The following RNF185 variants were observed in gnomAD, a reference collection of about 807,000 sequenced individuals.
RNF185 encodes the protein E3 ubiquitin-protein ligase RNF185.
RNF185 carries 13 observed loss-of-function variants against 24.9 expected under a neutral mutation model. The ratio of observed to expected loss-of-function variants is 0.52; its 90% CI spans 0.34 to 0.83. The LOEUF (loss-of-function observed/expected upper bound fraction) is 0.83, where lower values mean the gene tolerates loss of function less well. Ranked by LOEUF, RNF185 falls within the 40% of genes least tolerant of loss-of-function variation. The probability of loss-of-function intolerance (pLI) is 0.01; values close to 1 mark genes in which losing one functional copy is unlikely to be tolerated. For missense variants in RNF185, 184 were observed against 244.7 expected (o/e 0.75, Z 1.65); for synonymous variants, 79 against 90.3 (o/e 0.88, Z 0.71).
At chr22:31,184,469 C>T (rs1156407624) in intron 1 of RNF185, among the ~76,000 whole-genome samples, 26 of 149,390 alleles carry the variant, frequency 1.7e-4, no homozygotes, top group Admixed American at 1.0e-3. Context: ...ACATCCCAGA[C>T]GATGGGCGGC....
At chr22:31,164,504 C>T (rs937126980) in intron 1 of RNF185, among the ~76,000 whole-genome samples, 1 of 151,978 alleles carries the variant, frequency 6.6e-6, no homozygotes, top group Non-Finnish European at 1.5e-5. Context: ...TGTTCCAGGA[C>T]CCAATCCTGG....
chr22:31,182,296 T>C (rs2048046433), intron 1 of RNF185, among the ~76,000 whole-genome samples: 1 of 151,794 alleles, frequency 6.6e-6, no homozygotes, highest in Admixed American at 6.6e-5. Context: ...TTTTTATTTA[T>C]TTATTTTTTT....
intron 1 of RNF185, among the ~76,000 whole-genome samples, chr22:31,179,519 C>T (rs1419013359): frequency 6.6e-6 from 1 of 152,208 alleles, no homozygotes; most frequent in African/African-American, 2.4e-5. Context: ...GTCAGTCATG[C>T]GTGCCCATCC....
At chr22:31,190,239 T>C (rs910903170) in intron 2 of RNF185, among the ~76,000 whole-genome samples, 6 of 152,218 alleles carry the variant, frequency 3.9e-5, no homozygotes, top group South Asian at 4.1e-4. Context: ...TAAAATGTTA[T>C]AGAGCAGTGC....
chr22:31,182,736 C>T (rs979377675), intron 1 of RNF185, among the ~76,000 whole-genome samples: 2 of 148,404 alleles, frequency 1.3e-5, no homozygotes, highest in Non-Finnish European at 2.9e-5. Context: ...TGGAATATCT[C>T]GTATCTCAAT....
intron 1 of RNF185, among the ~76,000 whole-genome samples, chr22:31,167,120 T>C (rs1395159076): frequency 6.6e-6 from 1 of 151,028 alleles, no homozygotes; most frequent in Non-Finnish European, 1.5e-5. Flanking sequence ...TTTCTTAAAA[T>C]TTTTTTTATT....
At chr22:31,169,015 ATCTTGCCTCAGCC>A (rs1924117422) in intron 1 of RNF185, among the ~76,000 whole-genome samples, 1 of 151,794 alleles carries the variant, frequency 6.6e-6, no homozygotes, top group Non-Finnish European at 1.5e-5. Flanking sequence ...TCAAGCAATT[ATCTTGCCTCAGCC>A]TCGCACGTAG....
intron 5 of RNF185, 129 bp downstream of exon 5, chr22:31,197,119 A>G (rs1568972423): frequency 4.3e-6 from 6 of 1,387,802 alleles, no homozygotes; most frequent in South Asian, 2.6e-5. Context: ...AAAGGAAAAG[A>G]GGGGGAAAAA....
At chr22:31,187,403 G>C in intron 2 of RNF185, 133 bp downstream of exon 2, 1 of 941,670 alleles carries the variant, frequency 1.1e-6, no homozygotes, top group Non-Finnish European at 1.6e-6. Context: ...AGAGACCTGA[G>C]TTCCCATCCC....
chr22:31,165,068 G>A (rs551432126), intron 1 of RNF185, among the ~76,000 whole-genome samples: 2 of 150,774 alleles, frequency 1.3e-5, no homozygotes, highest in Non-Finnish European at 2.9e-5. Flanking sequence ...GCACCACCAC[G>A]CCCGGCTAAT....
At chr22:31,201,414 A>G in intron 5 of RNF185, 84 bp from the exon 6 acceptor site, 2 of 974,436 alleles carry the variant, frequency 2.1e-6, no homozygotes, top group Non-Finnish European at 3.3e-6. Flanking sequence ...CACATGCAAG[A>G]CAACGTGAGG....
At chr22:31,184,336 G>A (rs1050656939) in intron 1 of RNF185, among the ~76,000 whole-genome samples, 53 of 151,730 alleles carry the variant, frequency 3.5e-4, no homozygotes, top group Admixed American at 2.9e-3. Context: ...GGGCAGAGGC[G>A]CTCCCCACAT....
intron 5 of RNF185, among the ~76,000 whole-genome samples, chr22:31,200,347 A>T (rs1040426304): frequency 6.6e-6 from 1 of 151,908 alleles, no homozygotes; most frequent in African/African-American, 2.4e-5. Flanking sequence ...ACAGAGCGAG[A>T]CCCTGTCTCA....
At chr22:31,202,085 T>G (rs2048268666) in intron 6 of RNF185, among the ~76,000 whole-genome samples, 1 of 152,146 alleles carries the variant, frequency 6.6e-6, no homozygotes, top group Middle Eastern at 3.2e-3. Context: ...GGCATCTCTG[T>G]CTAGCTTCCT....
intron 1 of RNF185, among the ~76,000 whole-genome samples, chr22:31,174,073 T>C (rs2147929812): frequency 6.6e-6 from 1 of 152,388 alleles, no homozygotes; most frequent in South Asian, 2.1e-4. Context: ...TACTTAACTA[T>C]GTGCCAGGCA....
At chr22:31,189,190 A>G (rs1331703977) in intron 2 of RNF185, among the ~76,000 whole-genome samples, 1 of 141,552 alleles carries the variant, frequency 7.1e-6, no homozygotes, top group Non-Finnish European at 1.5e-5. Context: ...TATTTATTAA[A>G]TTTTATAATT....
At chr22:31,166,131 C>T (rs1001005734) in intron 1 of RNF185, among the ~76,000 whole-genome samples, 6 of 152,088 alleles carry the variant, frequency 3.9e-5, no homozygotes, top group African/African-American at 1.4e-4. Context: ...GCTAGAATTA[C>T]AGGCAAGTGC....
chr22:31,163,662 T>TTATG (rs1260588189), intron 1 of RNF185, among the ~76,000 whole-genome samples: 24 of 148,578 alleles, frequency 1.6e-4, no homozygotes, highest in African/African-American at 5.4e-4. Flanking sequence ...TTTATTTTAT[T>TTATG]TATTTATTTA....
At chr22:31,187,331 T>C in intron 2 of RNF185, 61 bp downstream of exon 2, 1 of 1,587,962 alleles carries the variant, frequency 6.3e-7, no homozygotes. Context: ...CCTGTGGCCC[T>C]GGGTGGTTTG....
Sources: gnomAD v4.1 joint callset for allele counts (sites outside exome capture counted in the v4.1 genomes callset) on GRCh38, gnomAD v4.1.1 for gene constraint, MANE v1.5 for transcripts, NCBI Gene and HGNC (gene_info 2026-07-23, HGNC 2026-07-21) for gene names.